The following DHRSX variants were observed in gnomAD, a reference collection of about 807,000 sequenced individuals.
The protein encoded by DHRSX is dehydrogenase/reductase X-linked.
Under a neutral mutation model 34.0 loss-of-function variants are expected in DHRSX, and 31 were observed. That is an observed-to-expected ratio of 0.91 (90% CI 0.69 to 1.23). The LOEUF is 1.23. Among genes scored for constraint, DHRSX ranks in the 50% most tolerant of loss-of-function variants. The probability of loss-of-function intolerance (pLI) is 0.00; values close to 1 mark genes in which losing one functional copy is unlikely to be tolerated. For missense variants in DHRSX, 414 were observed against 428.1 expected (o/e 0.97, Z 0.29); for synonymous variants, 201 against 183.8 (o/e 1.09, Z -0.76).
intron 5 of DHRSX, among the ~76,000 whole-genome samples, chrX:2,263,817 A>AT (rs1289068701): frequency 2.0e-5 from 3 of 152,032 alleles, no homozygotes; most frequent in Non-Finnish European, 2.9e-5. Flanking sequence ...GGACTGCTGG[A>AT]TTTTTTCTTA....
chrX:2,308,410 C>T (rs1307482801), intron 3 of DHRSX, among the ~76,000 whole-genome samples: 1 of 152,010 alleles, frequency 6.6e-6, no homozygotes, highest in Non-Finnish European at 1.5e-5. Context: ...ATTGTTTTAA[C>T]AATTGTTCAA....
At chrX:2,469,235 C>G (rs1301943704) in intron 1 of DHRSX, among the ~76,000 whole-genome samples, 1 of 150,328 alleles carries the variant, frequency 6.7e-6, no homozygotes, top group Non-Finnish European at 1.5e-5. Flanking sequence ...GCCAAGGGAC[C>G]GCACTGAAGA....
chrX:2,442,059 T>C (rs1193419612), intron 1 of DHRSX, among the ~76,000 whole-genome samples: 2 of 152,178 alleles, frequency 1.3e-5, no homozygotes, highest in Non-Finnish European at 2.9e-5. Context: ...GTATTTTGTA[T>C]TTATATATAT....
chrX:2,243,140 CTCAGCCGCCA>C lies in DHRSX; in HGVS notation c.677_686del (p.Leu226ArgfsTer5). 6.2e-7 allele frequency: 1 copy of C among 1,613,930 alleles called. No individual in the cohort carries two copies. ...CCACGTTGGCGGTCACGTGGCTTCC[CTCAGCCGCCA>C]GCAGCCGCTGGAGGTGGTAGGTGAA... On this transcript the variant is annotated frameshift_variant, in exon 6 of 7. Transcript: ENST00000334651. LOFTEE classifies it high-confidence loss of function.
intron 6 of DHRSX, among the ~76,000 whole-genome samples, chrX:2,222,000 G>C (rs1968243797): frequency 6.6e-6 from 1 of 152,206 alleles, no homozygotes; most frequent in South Asian, 2.1e-4. Context: ...TGTTTCAGAA[G>C]TTGTCTCTTG....
At chrX:2,424,061 T>C (rs778630460) in intron 2 of DHRSX, among the ~76,000 whole-genome samples, 1 of 152,112 alleles carries the variant, frequency 6.6e-6, no homozygotes, top group East Asian at 1.9e-4. Context: ...TTTAAAGTGG[T>C]GATTAAGGTA....
At chrX:2,238,158 C>T (rs142587500) in intron 6 of DHRSX, among the ~76,000 whole-genome samples, 2,303 of 152,108 alleles carry the variant, frequency 0.015, 59 homozygotes, top group African/African-American at 0.053. Flanking sequence ...ACTGGAGACC[C>T]GGCTGGACAA....
intron 3 of DHRSX, among the ~76,000 whole-genome samples, chrX:2,322,131 T>TCC (rs1329969499): frequency 1.4e-5 from 2 of 139,954 alleles, no homozygotes; most frequent in East Asian, 4.9e-4. Flanking sequence ...CTCCCACTCT[T>TCC]CCCCCCCAAG....
At chrX:2,282,395 A>ATG (rs1397527055) in intron 4 of DHRSX, among the ~76,000 whole-genome samples, 2 of 145,196 alleles carry the variant, frequency 1.4e-5, no homozygotes, top group African/African-American at 2.7e-5. Flanking sequence ...AGAAAGAGAC[A>ATG]GAGAGAAAGA....
chrX:2,496,247 T>G lies in DHRSX; in HGVS notation c.109+4570A>C, dbSNP rs545553026. ...GGAGTCTCGCCCTGTTGCCCAGGCT[T>G]GAGTGCAGTGGCGCAATCTTGGCTG... On this transcript the variant is annotated intron_variant, in intron 1 of 6. Transcript: ENST00000334651. Among the ~76,000 whole-genome samples, 6 of 152,284 alleles carry G rather than the reference T, an allele frequency of 3.9e-5. No homozygotes were observed. The South Asian group carries it at 6.2e-4, about 16-fold the overall frequency.
intron 3 of DHRSX, among the ~76,000 whole-genome samples, chrX:2,340,609 C>T (rs2042629118): frequency 6.6e-6 from 1 of 152,078 alleles, no homozygotes; most frequent in Non-Finnish European, 1.5e-5. Context: ...GAAATGACTG[C>T]ATTCAACGTC....
At chrX:2,296,872 G>T (rs1420693006) in intron 3 of DHRSX, among the ~76,000 whole-genome samples, 1 of 40,772 alleles carries the variant, frequency 2.5e-5, no homozygotes, top group African/African-American at 6.5e-5. Context: ...GACAGGAATA[G>T]GACCCAGGCA....
intron 2 of DHRSX, among the ~76,000 whole-genome samples, chrX:2,417,733 A>G (rs1216680073): frequency 1.3e-5 from 2 of 152,030 alleles, no homozygotes; most frequent in East Asian, 1.9e-4. Flanking sequence ...TCATCATGCT[A>G]TTACTGAAGT....
At chrX:2,367,730 CACAT>C (rs1235694863) in intron 3 of DHRSX, among the ~76,000 whole-genome samples, 2 of 152,150 alleles carry the variant, frequency 1.3e-5, no homozygotes, top group East Asian at 1.9e-4. Flanking sequence ...CACACAAAGA[CACAT>C]ACATAATTTA....
intron 1 of DHRSX, among the ~76,000 whole-genome samples, chrX:2,453,219 G>C (rs2044249427): frequency 6.6e-6 from 1 of 152,100 alleles, no homozygotes; most frequent in Admixed American, 6.5e-5. Flanking sequence ...GAATGCTGAA[G>C]TGTTTGTCAA....
intron 5 of DHRSX, among the ~76,000 whole-genome samples, chrX:2,251,063 C>T (rs1425782318): frequency 5.3e-5 from 8 of 152,126 alleles, no homozygotes; most frequent in Non-Finnish European, 1.2e-4. Flanking sequence ...AGTGACTCCC[C>T]CATTAACACC....
At chrX:2,490,862 C>T in intron 1 of DHRSX, 1 of 1,231,074 alleles carries the variant, frequency 8.1e-7, no homozygotes, top group African/African-American at 1.5e-5. Context: ...GCCGGGGCAG[C>T]TCCGCTTTCA....
intron 3 of DHRSX, among the ~76,000 whole-genome samples, chrX:2,405,069 C>G: frequency 6.6e-6 from 1 of 152,180 alleles, no homozygotes; most frequent in Non-Finnish European, 1.5e-5. Flanking sequence ...TTTCAACATA[C>G]CCCAGCCCTT....
intron 4 of DHRSX, among the ~76,000 whole-genome samples, chrX:2,283,496 G>C (rs999959250): frequency 3.9e-5 from 6 of 152,148 alleles, no homozygotes; most frequent in African/African-American, 1.4e-4. Context: ...TCCCGGGAGG[G>C]AGACCAGATG....
Sources: gnomAD v4.1 joint callset for allele counts (sites outside exome capture counted in the v4.1 genomes callset) on GRCh38, gnomAD v4.1.1 for gene constraint, MANE v1.5 for transcripts, NCBI Gene and HGNC (gene_info 2026-07-23, HGNC 2026-07-21) for gene names.